The following FLT3 variants were observed in gnomAD, a reference collection of about 807,000 sequenced individuals.
FLT3 encodes receptor-type tyrosine-protein kinase FLT3.
A neutral mutation model predicts 126.6 loss-of-function variants in FLT3; 46 were observed. That is an observed-to-expected ratio of 0.36 (90% CI 0.29 to 0.46). The LOEUF is 0.46. Ranked by LOEUF, FLT3 falls within the 20% of genes least tolerant of loss-of-function variation. The probability of loss-of-function intolerance (pLI) is 1.00; values close to 1 mark genes in which losing one functional copy is unlikely to be tolerated. For missense variants in FLT3, 1,069 were observed against 1,190.3 expected (o/e 0.90, Z 1.50); for synonymous variants, 404 against 434.4 (o/e 0.93, Z 0.87).
intron 3 of FLT3, among the ~76,000 whole-genome samples, chr13:28,058,878 C>A (rs1005400959): frequency 6.6e-6 from 1 of 152,188 alleles, no homozygotes; most frequent in Non-Finnish European, 1.5e-5. Flanking sequence ...CATGAGCCAC[C>A]ACGTCTGCAG....
intron 1 of FLT3, among the ~76,000 whole-genome samples, chr13:28,087,228 C>G (rs558699992): frequency 6.6e-6 from 1 of 151,954 alleles, no homozygotes; most frequent in South Asian, 2.1e-4. Flanking sequence ...CACCATCATG[C>G]CTGGCCAATT....
intron 20 of FLT3, among the ~76,000 whole-genome samples, chr13:28,016,415 T>C (rs1871864804): frequency 6.6e-6 from 1 of 151,992 alleles, no homozygotes; most frequent in Non-Finnish European, 1.5e-5. Flanking sequence ...GGATTACAGG[T>C]ACGCACCACC....
chr13:28,021,827 C>G (rs1287549085), intron 19 of FLT3, among the ~76,000 whole-genome samples: 2 of 151,696 alleles, frequency 1.3e-5, no homozygotes, highest in Non-Finnish European at 2.9e-5. Flanking sequence ...ACTGCAAGCT[C>G]CGCCTCCCAG....
chr13:28,090,776 G>A (rs1044105728), intron 1 of FLT3, among the ~76,000 whole-genome samples: 8 of 152,164 alleles, frequency 5.3e-5, no homozygotes, highest in Middle Eastern at 3.4e-3. Context: ...AGACCTGTCC[G>A]CCCCTGCCCC....
chr13:28,048,470 GT>G, intron 8 of FLT3, 27 bp from the exon 9 acceptor site: 2 of 1,417,430 alleles, frequency 1.4e-6, no homozygotes, highest in Non-Finnish European at 9.9e-7. Flanking sequence ...GCATTTATGA[GT>G]TAGTTAATAA....
rs771300239 is a variant in FLT3, at chr13:28,034,341, A to G, written c.1664T>C (p.Ile555Thr). ...ACAAATTAGCAGGGTTAAAACGACA[A>G]TGAAGAGGAGACAAACACCAATTGT... ...YATIGVCLLFIVVLTLLICHK... is the reference protein window; with the variant it reads ...YATIGVCLLFTVVLTLLICHK... The change falls in exon 13 of 24, where the codon ATT becomes ACT. Residue 555 changes from isoleucine (I) to threonine (T), a missense_variant. Transcript: ENST00000241453. 1.1e-5 allele frequency: 17 copies of G among 1,614,128 alleles called. No individual in the cohort carries two copies. The highest frequency in any genetic ancestry group is 1.3e-5 in the Non-Finnish European group (15 of 1,179,970).
At chr13:28,086,619 C>CGTGTGTGTGTATGTGT (rs1555262638) in intron 1 of FLT3, among the ~76,000 whole-genome samples, 105 of 134,834 alleles carry the variant, frequency 7.8e-4, no homozygotes, top group Middle Eastern at 3.8e-3. Context: ...CTGAAGAACT[C>CGTGTGTGTGTATGTGT]GTGTGTGTGT....
intron 1 of FLT3, among the ~76,000 whole-genome samples, chr13:28,075,375 C>A (rs892516822): frequency 2.0e-5 from 3 of 152,044 alleles, no homozygotes; most frequent in Non-Finnish European, 4.4e-5. Context: ...ATGGAGGTCA[C>A]AAAATATCGT....
intron 1 of FLT3, among the ~76,000 whole-genome samples, chr13:28,084,162 T>A (rs1878503689): frequency 6.6e-6 from 1 of 152,004 alleles, no homozygotes; most frequent in South Asian, 2.1e-4. Flanking sequence ...TCCCTAATTT[T>A]TTTTTATTTT....
chr13:28,085,594 A>G (rs1878625077), intron 1 of FLT3, among the ~76,000 whole-genome samples: 1 of 151,968 alleles, frequency 6.6e-6, no homozygotes, highest in Non-Finnish European at 1.5e-5. Flanking sequence ...ATTTTGCCCC[A>G]TGTATTTTCA....
chr13:28,075,599 C>T (rs777382992), intron 1 of FLT3, among the ~76,000 whole-genome samples: 1 of 151,654 alleles, frequency 6.6e-6, no homozygotes, highest in Admixed American at 6.6e-5. Flanking sequence ...GTGGCGCATG[C>T]CTGTAGTCCC....
chr13:28,017,895 A>C (rs1481233283), intron 20 of FLT3, among the ~76,000 whole-genome samples: 3 of 151,624 alleles, frequency 2.0e-5, no homozygotes, highest in Non-Finnish European at 4.4e-5. Context: ...CGAACTCCTG[A>C]CCTCATGATC....
chr13:28,091,291 G>T (rs576739874), intron 1 of FLT3, among the ~76,000 whole-genome samples: 6 of 121,996 alleles, frequency 4.9e-5, no homozygotes, highest in Non-Finnish European at 3.2e-5. Flanking sequence ...GCGCGATCTC[G>T]GCTCACTGCA....
intron 23 of FLT3, among the ~76,000 whole-genome samples, chr13:28,011,118 C>T (rs1222198778): frequency 1.3e-5 from 2 of 150,732 alleles, no homozygotes; most frequent in African/African-American, 4.9e-5. Context: ...GAGACCAGCC[C>T]GGACAATATG....
Position 28,035,477 on chromosome 13 carries a change from C to A in FLT3, c.1597+18G>T. ...GGGAATTCCTGATGGTGGAATATCACAAGAACAACTGTTGTACCTGGAGAG... is the reference window on the plus strand; with the variant it reads ...GGGAATTCCTGATGGTGGAATATCAAAAGAACAACTGTTGTACCTGGAGAG... On this transcript the variant is annotated intron_variant, in intron 12 of 23. Transcript: ENST00000241453. 1 of 1,602,794 alleles carries A rather than the reference C, an allele frequency of 6.2e-7. No homozygotes were observed. Among genetic ancestry groups the A allele is most frequent in the Non-Finnish European group, 8.5e-7 (1 of 1,175,848 alleles).
chr13:28,054,708 G>A (rs1875850725), intron 4 of FLT3, among the ~76,000 whole-genome samples: 1 of 152,166 alleles, frequency 6.6e-6, no homozygotes, highest in South Asian at 2.1e-4. Flanking sequence ...TCTTGCTTCC[G>A]GGAACACATT....
chr13:28,039,384 G>C (rs1874142630), intron 9 of FLT3, among the ~76,000 whole-genome samples: 1 of 151,030 alleles, frequency 6.6e-6, no homozygotes, highest in Admixed American at 6.6e-5. Flanking sequence ...TGTATTTTTA[G>C]TAGAGATGGG....
At chr13:28,073,940 T>TAAAAAAAAAAAAA (rs747529463) in intron 1 of FLT3, among the ~76,000 whole-genome samples, 1 of 132,522 alleles carries the variant, frequency 7.5e-6, no homozygotes. Flanking sequence ...ATCCTGCCTC[T>TAAAAAAAAAAAAA]AAAAAAAAAA....
chr13:28,015,577 C>T lies in FLT3; in HGVS notation c.2653+13G>A. 6.5e-7 allele frequency: 1 copy of T among 1,539,382 alleles called. No homozygotes were observed. Among genetic ancestry groups the T allele is most frequent in the Non-Finnish European group, 9.0e-7 (1 of 1,113,934 alleles). ...GCCAGGAGCCAAGGGAGGCCAGCAG[C>T]TGCCCAACTTACCAAGTGAGAAGAT... On this transcript the variant is annotated intron_variant, in intron 21 of 23. Coordinates refer to ENST00000241453, the MANE Select transcript of FLT3 (RefSeq NM_004119.3).
Sources: allele counts gnomAD v4.1 joint callset (sites outside exome capture counted in the v4.1 genomes callset), GRCh38; gene constraint gnomAD v4.1.1; transcripts MANE v1.5; gene names NCBI Gene and HGNC (gene_info 2026-07-23, HGNC 2026-07-21).